Variants in UBN1 observed in about 807,000 individuals in gnomAD.
The protein encoded by UBN1 is ubinuclein 1.
UBN1 carries 17 observed loss-of-function variants against 108.5 expected under a neutral mutation model. The ratio of observed to expected loss-of-function variants is 0.16; its 90% confidence interval spans 0.11 to 0.24. The LOEUF (loss-of-function observed/expected upper bound fraction) is 0.24. Among genes scored for constraint, UBN1 ranks in the 10% least tolerant of loss-of-function variants. UBN1 has a pLI of 1.00. For missense variants in UBN1, 1,595 were observed against 1,394.4 expected (o/e 1.14, Z -2.29); for synonymous variants, 726 against 564.2 (o/e 1.29, Z -4.07).
At chr16:4,868,380 C>G in intron 7 of UBN1, among the ~76,000 whole-genome samples, 1 of 152,140 alleles carries the variant, frequency 6.6e-6, no homozygotes, top group East Asian at 1.9e-4. Context: ...TTTTAATGTC[C>G]TTAAGTGTTA....
intron 11 of UBN1, 86 bp from the exon 12 acceptor site, chr16:4,871,069 C>G (rs868052229): frequency 1.0e-5 from 16 of 1,602,612 alleles, no homozygotes; most frequent in Non-Finnish European, 1.2e-5. Flanking sequence ...CATTTACTTT[C>G]ATCAGGGCTG....
At chr16:4,867,838 C>G (rs1350705264) in intron 7 of UBN1, among the ~76,000 whole-genome samples, 1 of 152,108 alleles carries the variant, frequency 6.6e-6, no homozygotes, top group African/African-American at 2.4e-5. Context: ...TAGATAGTCA[C>G]CTTATCACCC....
intron 12 of UBN1, among the ~76,000 whole-genome samples, chr16:4,871,576 CTTTTTTTTTTT>C (rs35865064): frequency 5.0e-4 from 44 of 88,414 alleles, no homozygotes; most frequent in East Asian, 3.5e-3. Context: ...ATGCACTTTC[CTTTTTTTTTTT>C]TTTTTTTTTT....
intron 1 of UBN1, 52 bp from the exon 2 acceptor site, chr16:4,852,827 A>G: frequency 2.1e-6 from 3 of 1,460,074 alleles, no homozygotes; most frequent in Non-Finnish European, 2.8e-6. Context: ...TTAGGCAGGT[A>G]AACTATTTTA....
chr16:4,875,816 G>T (rs2456779), intron 15 of UBN1, among the ~76,000 whole-genome samples: 2 of 152,040 alleles, frequency 1.3e-5, no homozygotes, highest in South Asian at 2.1e-4. Flanking sequence ...GTCATGTGGA[G>T]GTGTTCATGG....
intron 1 of UBN1, among the ~76,000 whole-genome samples, chr16:4,848,952 T>C (rs1008701713): frequency 1.3e-5 from 2 of 151,956 alleles, no homozygotes; most frequent in Non-Finnish European, 2.9e-5. Flanking sequence ...AAATACAAAA[T>C]TAGCCGGGCG....
rs1335798315 is a variant in UBN1 at position 4,881,525 on chromosome 16, A to G, written c.*1393A>G. 1 of 152,226 alleles carries G rather than the reference A, an allele frequency of 6.6e-6. No individual in the cohort carries two copies. Among genetic ancestry groups the G allele is most frequent in the Non-Finnish European group, 1.5e-5 (1 of 68,058 alleles). The allele number at this position is 152,226 out of a possible 1,614,324, so 9.4% of individuals were successfully genotyped here. ...GTTGAGAGTATACGGTGTCCTCAGC[A>G]CATACACCTGTGGGAAAACGGACCG... is the stretch of plus-strand genomic sequence containing the variant. On this transcript the variant is annotated 3_prime_UTR_variant, in exon 18 of 18. Transcript: ENST00000262376.
chr16:4,860,843 G>C lies in UBN1; in HGVS notation c.851G>C (p.Gly284Ala). The change falls in exon 7 of 18, where the codon GGT (glycine) becomes GCT (alanine). Residue 284 changes from glycine to alanine, a missense_variant. Around this residue, in one of 3 missense-constraint regions of UBN1, gnomAD observed 1,398 missense variants for 1,194.7 expected, o/e 1.17. Transcript: ENST00000262376. Reference sequence around the variant, plus strand: ...GCTCAGGGCCTGCGGGAACTGGAGGGTGCCTCTGACCCCTTGCTCTCACTC... The same window carrying C: ...GCTCAGGGCCTGCGGGAACTGGAGGCTGCCTCTGACCCCTTGCTCTCACTC... Reference protein sequence around the residue: ...AEAQGLRELEGASDPLLSLFG... With the variant: ...AEAQGLRELEAASDPLLSLFG... The C allele has an allele frequency of 1.2e-6, 2 of 1,614,282 alleles. No individual in the cohort carries two copies. The highest frequency in any genetic ancestry group is 1.7e-6 in the Non-Finnish European group (2 of 1,180,060).
intron 11 of UBN1, 24 bp downstream of exon 11, chr16:4,870,996 C>T (rs1280148499): frequency 6.2e-7 from 1 of 1,613,166 alleles, no homozygotes; most frequent in South Asian, 1.1e-5. Flanking sequence ...GGGACTTGGC[C>T]TCTTTGGAGG....
rs753433534 is a variant in UBN1, at chr16:4,875,170, G to T, written c.2760G>T (p.Ser920=). 1.2e-6 allele frequency: 2 copies of T among 1,614,176 alleles called. No homozygotes were observed. Among genetic ancestry groups the T allele is most frequent in the Admixed American group, 3.3e-5 (2 of 60,026 alleles). ...KHGVSSGSSS[S]GGTPVQSSVS... is the part of the protein sequence containing the mutation. ...GGGTTTCTTCTGGCAGCTCTTCCTC[G>T]GGAGGAACACCAGTCCAGAGTTCTG... Residue 920 remains serine (S), a synonymous_variant, in exon 15 of 18, where the codon TCG becomes TCT. Coordinates refer to ENST00000262376, the MANE Select transcript of UBN1 (RefSeq NM_001079514.3).
chr16:4,853,041 G>T lies in UBN1; in HGVS notation c.124G>T (p.Ala42Ser). The T allele has an allele frequency of 6.2e-7, 1 of 1,614,234 alleles. No individual in the cohort carries two copies. Among genetic ancestry groups the T allele is most frequent in the Non-Finnish European group, 8.5e-7 (1 of 1,180,042 alleles). ...ACAGCATCAGGACTGTGAGCCGGCT[G>T]CAGCAGCTGTTCGGATTACACTCAC... The part of the protein sequence containing the change: ...GEQHQDCEPA[A>S]AAVRITLTLF... The change falls in exon 2 of 18, where the codon GCA becomes TCA. Residue 42 changes from alanine (A) to serine (S), a missense_variant. Physicochemically the swap from Ala to Ser is moderately conservative, Grantham distance 99. Coordinates refer to ENST00000262376, the MANE Select transcript of UBN1 (RefSeq NM_001079514.3).
intron 12 of UBN1, 131 bp downstream of exon 12, chr16:4,871,432 A>G: frequency 7.6e-7 from 1 of 1,310,728 alleles, no homozygotes; most frequent in Non-Finnish European, 1.0e-6. Context: ...ATCTCACCTG[A>G]GTAACTGGGG....
Position 4,860,902 on chromosome 16 carries a change from G to A in UBN1, c.910G>A (p.Ala304Thr), listed in dbSNP as rs758981425. The A allele has an allele frequency of 7.4e-6, 12 of 1,614,128 alleles. No homozygotes were observed. In the South Asian group the frequency reaches 1.3e-4, roughly 18 times the overall value. Residue 304 changes from alanine to threonine, a missense_variant, in exon 7 of 18, where the codon GCG (alanine) becomes ACG (threonine). By Grantham distance (58) the Ala-to-Thr change is moderately conservative. This residue lies in a region of UBN1 where 1,398 missense variants were observed against 1,194.7 expected (regional missense o/e 1.17). Transcript: ENST00000262376. ...TACTTCTGACAACGACTTGCTCCAG[G>A]CGGCCACTGCCATGGACTCGCTGAC... ...GSTSDNDLLQ[A>T]ATAMDSLTDL...
rs754844065 is a variant in UBN1, at chr16:4,860,785, G to A, written c.793G>A (p.Glu265Lys). 1 of 1,614,260 alleles carries A rather than the reference G, an allele frequency of 6.2e-7. No individual in the cohort carries two copies. The highest frequency in any genetic ancestry group is 8.5e-7 in the Non-Finnish European group (1 of 1,180,056). The stretch of plus-strand genomic sequence containing the variant: ...AGAGGCTCAGAAAAAAAGGGAGGAG[G>A]AGCATAAGCCTGTTGCGGTCCCATC... ...EKEAQKKREE[E>K]HKPVAVPSAE... The change falls in exon 7 of 18, where the codon GAG becomes AAG. Residue 265 changes from glutamate (E) to lysine (K), a missense_variant. Coordinates refer to ENST00000262376, the MANE Select transcript of UBN1 (RefSeq NM_001079514.3).
chr16:4,852,965 G>A lies in UBN1; in HGVS notation c.48G>A (p.Leu16=). The A allele has an allele frequency of 1.2e-6, 2 of 1,614,212 alleles. No individual in the cohort carries two copies. The highest frequency in any genetic ancestry group is 1.7e-6 in the Non-Finnish European group (2 of 1,180,044). ...RVQFTSLPGS[L]NPAFLKKSRK... ...AGTTCACCTCTCTCCCAGGTTCCCT[G>A]AATCCTGCGTTTTTGAAGAAGTCCC... The change falls in exon 2 of 18, where the codon CTG becomes CTA. Residue 16 remains leucine (L), a synonymous_variant. Coordinates refer to ENST00000262376, the MANE Select transcript of UBN1 (RefSeq NM_001079514.3).
Position 4,880,925 on chromosome 16 carries a change from C to G in UBN1, c.*793C>G, listed in dbSNP as rs11859162. The G allele has an allele frequency of 2.6e-5, 4 of 152,410 alleles. No homozygotes were observed. The highest frequency in any genetic ancestry group is 6.5e-5 in the Admixed American group (1 of 15,270). The allele number at this position is 152,410 out of a possible 1,614,324, so 9.4% of individuals were successfully genotyped here. ...TTCGACAACACATGTCCATTCAGCC[C>G]TCTGAATGGATCTGAGACGAAGACC... On this transcript the variant is annotated 3_prime_UTR_variant, in exon 18 of 18. Transcript: ENST00000262376.
intron 2 of UBN1, among the ~76,000 whole-genome samples, chr16:4,854,114 A>G (rs1348935104): frequency 6.6e-6 from 1 of 151,590 alleles, no homozygotes; most frequent in Admixed American, 6.6e-5. Context: ...TCTCAGTGCA[A>G]CCTCTGCCTC....
chr16:4,873,167 C>T, intron 14 of UBN1, 94 bp downstream of exon 14: 1 of 1,548,670 alleles, frequency 6.5e-7, no homozygotes, highest in East Asian at 2.2e-5. Context: ...GCTCATTGAT[C>T]TTTGCTCGTC....
At chr16:4,870,660 T>TTGCAGGC (rs1567939119) in intron 10 of UBN1, 26 bp downstream of exon 10, 3 of 1,612,642 alleles carry the variant, frequency 1.9e-6, no homozygotes, top group Non-Finnish European at 1.7e-6. Flanking sequence ...CGCTTGCAGG[T>TTGCAGGC]GCAACCCTCC....
Sources: allele counts gnomAD v4.1 joint callset (sites outside exome capture counted in the v4.1 genomes callset), GRCh38; gene constraint gnomAD v4.1.1; regional missense constraint gnomAD v4.1.1; transcripts MANE v1.5; gene names NCBI Gene and HGNC (gene_info 2026-07-23, HGNC 2026-07-21).